USP43: variants seen among roughly 807,000 people sequenced by gnomAD.
USP43 encodes ubiquitin specific peptidase 43, also known as ubiquitin carboxyl-terminal hydrolase 43.
USP43 carries 33 observed loss-of-function variants against 90.7 expected under a neutral mutation model. The ratio of observed to expected loss-of-function variants is 0.36; its 90% CI spans 0.28 to 0.49. The LOEUF (loss-of-function observed/expected upper bound fraction) is 0.49, where lower values mean the gene tolerates loss of function less well. USP43 is among the 20% of genes least tolerant of loss of function. The pLI, the probability that USP43 is intolerant of heterozygous loss-of-function variation, is 0.98. For synonymous variants in USP43, 598 were observed against 615.8 expected (o/e 0.97, Z 0.43); for missense variants, 1,274 against 1,476.4 (o/e 0.86, Z 2.25).
chr17:9,673,679 C>T (rs372284655), intron 3 of USP43, among the ~76,000 whole-genome samples: 2 of 152,176 alleles, frequency 1.3e-5, no homozygotes, highest in Non-Finnish European at 2.9e-5. Context: ...GATATGAGCA[C>T]GGAGTCTGGA....
Position 9,709,823 on chromosome 17 carries a change from T to C in USP43, c.2012-133T>C, listed in dbSNP as rs1351648989. The C allele has an allele frequency of 1.0e-6, 1 of 998,980 alleles. No individual in the cohort carries two copies. The highest frequency in any genetic ancestry group is 1.3e-6 in the Non-Finnish European group (1 of 762,532). The allele number at this position is 998,980 out of a possible 1,614,324, so 61.9% of individuals were successfully genotyped here. A position where few individuals can be genotyped will look rare whatever the true frequency, so the allele number is the denominator to read the frequency against. Reference sequence around the variant, plus strand: ...CTTTTCTGATTCCAAAAAAAATTCATTTCTGGCCAAAAATGGACTGTTTTT... The same window carrying C: ...CTTTTCTGATTCCAAAAAAAATTCACTTCTGGCCAAAAATGGACTGTTTTT... On this transcript the variant is annotated intron_variant, in intron 12 of 14. Transcript: ENST00000285199. This position sits in a 1 kb window ranked among gnomAD's most constrained non-coding sequence, Gnocchi z 5.0.
intron 10 of USP43, among the ~76,000 whole-genome samples, chr17:9,700,455 G>A (rs919205014): frequency 1.3e-5 from 2 of 152,200 alleles, no homozygotes; most frequent in Admixed American, 1.3e-4. Context: ...AGTGATGGTG[G>A]TGGTGGTGGG....
intron 5 of USP43, among the ~76,000 whole-genome samples, chr17:9,677,744 A>AT (rs1237811587): frequency 1.3e-5 from 2 of 152,144 alleles, no homozygotes; most frequent in Non-Finnish European, 2.9e-5. Flanking sequence ...ATCTCATGGG[A>AT]TTTTTTCAAA....
intron 8 of USP43, among the ~76,000 whole-genome samples, chr17:9,692,041 C>T (rs762345107): frequency 6.6e-5 from 9 of 136,358 alleles, no homozygotes; most frequent in Non-Finnish European, 1.3e-4. Flanking sequence ...GACTCCATCT[C>T]GAAAAAAAAA....
At chr17:9,689,560 T>G (rs1914805607) in intron 8 of USP43, among the ~76,000 whole-genome samples, 1 of 152,054 alleles carries the variant, frequency 6.6e-6, no homozygotes, top group Non-Finnish European at 1.5e-5. Flanking sequence ...TACAAGCACC[T>G]GCCATCATGC....
intron 1 of USP43, among the ~76,000 whole-genome samples, chr17:9,655,109 A>AAAAAAAAAAAG (rs1912148217): frequency 6.7e-6 from 1 of 149,376 alleles, no homozygotes; most frequent in African/African-American, 2.5e-5. Context: ...AAAAAAAAAA[A>AAAAAAAAAAAG]AGCCCAGACT....
intron 8 of USP43, among the ~76,000 whole-genome samples, chr17:9,691,328 G>A (rs1339829403): frequency 6.7e-6 from 1 of 149,802 alleles, no homozygotes; most frequent in Admixed American, 6.6e-5. Flanking sequence ...ATGTTGGTCA[G>A]GCTGATCTCG....
At chr17:9,725,861 G>A (rs562167123) in intron 14 of USP43, among the ~76,000 whole-genome samples, 39 of 152,242 alleles carry the variant, frequency 2.6e-4, no homozygotes, top group Middle Eastern at 3.4e-3. Flanking sequence ...AATACAAAGC[G>A]TCCCTTTCTG....
chr17:9,685,201 A>T (rs1914532022), intron 7 of USP43, among the ~76,000 whole-genome samples: 1 of 152,164 alleles, frequency 6.6e-6, no homozygotes, highest in Admixed American at 6.5e-5. Context: ...AGCCAATTTT[A>T]TTCAACAATT....
intron 2 of USP43, among the ~76,000 whole-genome samples, chr17:9,659,855 C>T (rs1358354433): frequency 6.6e-6 from 1 of 152,124 alleles, no homozygotes; most frequent in African/African-American, 2.4e-5. Flanking sequence ...ATGTTTGTGG[C>T]CGTTTGATTC....
At position 9,674,851 on chromosome 17, in the gene USP43, C is replaced by T. The variant is rs766419371; in HGVS notation, c.741-40C>T. 4.3e-5 allele frequency: 66 copies of T among 1,535,728 alleles called. 1 individual carries two copies. Among genetic ancestry groups the T allele is most frequent in the Admixed American group, 6.7e-5 (4 of 59,698 alleles). The stretch of plus-strand genomic sequence containing the variant: ...TTGAATTTTACCCCCAAATTGTTTA[C>T]GTGTGATTAAACGTTCGCCTCTGTT... On this transcript the variant is annotated intron_variant, in intron 3 of 14. Coordinates refer to ENST00000285199, the MANE Select transcript of USP43 (RefSeq NM_153210.5). This position sits in a 1 kb window ranked among gnomAD's most constrained non-coding sequence, Gnocchi z 4.4.
rs749493365 is a variant in USP43 at position 9,676,822 on chromosome 17, A to G, written c.910A>G (p.Ser304Gly). 6.8e-6 allele frequency: 11 copies of G among 1,614,010 alleles called. No homozygotes were observed. The highest frequency in any genetic ancestry group is 1.7e-6 in the Non-Finnish European group (2 of 1,179,888). ...LRVGLAVPILSTVAALRKMVA... is the reference protein window; with the variant it reads ...LRVGLAVPILGTVAALRKMVA... ...GGTTGGCCTGGCCGTGCCGATCCTC[A>G]GCACAGTGGCAGCCCTGAGGAAGAT... The change falls in exon 5 of 15, where the codon AGC (serine) becomes GGC (glycine). Residue 304 changes from serine (S) to glycine (G), a missense_variant. By Grantham distance (56) the Ser-to-Gly change is moderately conservative (BLOSUM62 0). Coordinates refer to ENST00000285199, the MANE Select transcript of USP43 (RefSeq NM_153210.5).
intron 2 of USP43, among the ~76,000 whole-genome samples, chr17:9,657,092 T>C (rs1056722542): frequency 4.6e-5 from 7 of 152,250 alleles, no homozygotes; most frequent in African/African-American, 1.7e-4. Flanking sequence ...GCAGTCTTTA[T>C]GGACTTTGCT....
At chr17:9,706,704 C>T (rs1273435317) in intron 12 of USP43, among the ~76,000 whole-genome samples, 1 of 133,250 alleles carries the variant, frequency 7.5e-6, no homozygotes, top group Admixed American at 9.1e-5. Context: ...AGTGCAATTG[C>T]ACGATATCGG....
At chr17:9,714,474 G>A (rs1916376601) in intron 14 of USP43, among the ~76,000 whole-genome samples, 1 of 152,030 alleles carries the variant, frequency 6.6e-6, no homozygotes, top group African/African-American at 2.4e-5. Context: ...GGGGTCAGGA[G>A]TTCGAGACCA....
intron 8 of USP43, among the ~76,000 whole-genome samples, chr17:9,688,180 G>A (rs1283691805): frequency 3.3e-5 from 5 of 151,134 alleles, no homozygotes; most frequent in East Asian, 3.9e-4. Flanking sequence ...GTAGAGACGG[G>A]GTTTCACTGT....
At chr17:9,681,923 G>A (rs1281998751) in intron 6 of USP43, among the ~76,000 whole-genome samples, 1 of 152,186 alleles carries the variant, frequency 6.6e-6, no homozygotes, top group Non-Finnish European at 1.5e-5. Flanking sequence ...AGTTCTCTGA[G>A]TTGACAGGGA....
At chr17:9,723,899 G>A (rs760029751) in intron 14 of USP43, among the ~76,000 whole-genome samples, 4 of 151,854 alleles carry the variant, frequency 2.6e-5, no homozygotes, top group African/African-American at 7.3e-5. Flanking sequence ...GTGAGCCACC[G>A]CGCCCGGCTT....
At chr17:9,679,199 TATGAATGAATGA>T (rs533416737) in intron 5 of USP43, among the ~76,000 whole-genome samples, 1 of 152,098 alleles carries the variant, frequency 6.6e-6, no homozygotes, top group African/African-American at 2.4e-5. Context: ...TCTATGTATT[TATGAATGAATGA>T]ATGAATGAAT....
Sources: allele counts gnomAD v4.1 joint callset (sites outside exome capture counted in the v4.1 genomes callset), GRCh38; gene constraint gnomAD v4.1.1; non-coding constraint Gnocchi (gnomAD v3.1); transcripts MANE v1.5; gene names NCBI Gene and HGNC (gene_info 2026-07-23, HGNC 2026-07-21).